Variants in CCDC192 observed in about 807,000 individuals in gnomAD.
CCDC192 encodes coiled-coil domain containing 192.
At chr5:127,867,523 G>A (rs1751664837) in intron 5 of CCDC192, among the ~76,000 whole-genome samples, 2 of 152,094 alleles carry the variant, frequency 1.3e-5, no homozygotes, top group African/African-American at 4.8e-5. Flanking sequence ...TGTAGAGGTG[G>A]GGCTAAGAAA....
chr5:127,792,328 C>A (rs1756910277), intron 3 of CCDC192, among the ~76,000 whole-genome samples: 2 of 151,988 alleles, frequency 1.3e-5, no homozygotes, highest in African/African-American at 2.4e-5. Flanking sequence ...ATGTGCCAAG[C>A]AAAAGGGGAG....
At chr5:127,853,594 G>A (rs1750906437) in intron 5 of CCDC192, among the ~76,000 whole-genome samples, 1 of 152,128 alleles carries the variant, frequency 6.6e-6, no homozygotes, top group South Asian at 2.1e-4. Flanking sequence ...CCAACGTGGT[G>A]AAACACTGTC....
chr5:127,760,194 G>A (rs1049026536), intron 3 of CCDC192, among the ~76,000 whole-genome samples: 1 of 150,970 alleles, frequency 6.6e-6, no homozygotes, highest in South Asian at 2.1e-4. Flanking sequence ...CACTTTTGAA[G>A]TGATGATACC....
At chr5:127,898,955 G>A (rs1752968453) in intron 6 of CCDC192, among the ~76,000 whole-genome samples, 1 of 152,132 alleles carries the variant, frequency 6.6e-6, no homozygotes, top group Admixed American at 6.5e-5. Context: ...TGCCTTTTCT[G>A]TGGCACCTAC....
At position 127,786,126 on chromosome 5, in the gene CCDC192, C is replaced by A. The variant is rs564899923; in HGVS notation, c.223-10977C>A. On this transcript the variant is annotated intron_variant, in intron 3 of 6. Coordinates refer to ENST00000514853, the MANE Select transcript of CCDC192 (RefSeq NM_001317938.2). ...CATTTTTGTCAGCATCCAATAAATTCTGAAGTTCTGTGTGGAAAATTTCCA... is the reference window on the plus strand; with the variant it reads ...CATTTTTGTCAGCATCCAATAAATTATGAAGTTCTGTGTGGAAAATTTCCA... 7 of 1,055,368 alleles carry A rather than the reference C, an allele frequency of 6.6e-6. No individual in the cohort carries two copies. The East Asian group carries it at 1.4e-4, about 22-fold the overall frequency. The allele number at this position is 1,055,368 out of a possible 1,614,324, so 65.4% of individuals were successfully genotyped here.
intron 3 of CCDC192, among the ~76,000 whole-genome samples, chr5:127,784,239 T>C (rs1756407574): frequency 6.6e-6 from 1 of 152,210 alleles, no homozygotes; most frequent in Non-Finnish European, 1.5e-5. Context: ...CATAGCAGAT[T>C]ACACATGGGT....
intron 2 of CCDC192, among the ~76,000 whole-genome samples, chr5:127,742,331 CCT>C (rs556077520): frequency 1.7e-4 from 26 of 152,124 alleles, no homozygotes; most frequent in Non-Finnish European, 3.2e-4. Context: ...CTTTCCAATA[CCT>C]TTTTCTTTTA....
intron 3 of CCDC192, among the ~76,000 whole-genome samples, chr5:127,755,312 G>A (rs548288088): frequency 5.9e-5 from 9 of 152,148 alleles, no homozygotes; most frequent in East Asian, 5.8e-4. Context: ...GAATTTTAGC[G>A]GAAACTAAGG....
intron 6 of CCDC192, among the ~76,000 whole-genome samples, chr5:127,879,856 A>G (rs2127141937): frequency 6.8e-6 from 1 of 146,932 alleles, no homozygotes; most frequent in Non-Finnish European, 1.5e-5. Flanking sequence ...ATCACTGGCC[A>G]TCAGAGAAAT....
At chr5:127,778,242 C>T (rs1606880) in intron 3 of CCDC192, among the ~76,000 whole-genome samples, 72,567 of 151,992 alleles carry the variant, frequency 0.48, 18,052 homozygotes, top group African/African-American at 0.61. Flanking sequence ...GAGTACAATG[C>T]TAGCTGTGGA....
chr5:127,864,154 A>G (rs1419675716), intron 5 of CCDC192, among the ~76,000 whole-genome samples: 1 of 152,224 alleles, frequency 6.6e-6, no homozygotes, highest in Non-Finnish European at 1.5e-5. Flanking sequence ...CTGATTAAAT[A>G]TGACTCACTT....
intron 2 of CCDC192, among the ~76,000 whole-genome samples, chr5:127,719,418 T>C (rs930534893): frequency 2.3e-5 from 3 of 130,710 alleles, no homozygotes; most frequent in Non-Finnish European, 4.6e-5. Flanking sequence ...TATACATACA[T>C]ATATATATAT....
chr5:127,861,012 T>C (rs2127104206), intron 5 of CCDC192, among the ~76,000 whole-genome samples: 1 of 152,262 alleles, frequency 6.6e-6, no homozygotes, highest in South Asian at 2.1e-4. Context: ...GGTTACTTTT[T>C]TTTTCTTTTT....
At chr5:127,823,709 G>C (rs987033914) in intron 5 of CCDC192, among the ~76,000 whole-genome samples, 10 of 152,076 alleles carry the variant, frequency 6.6e-5, no homozygotes, top group African/African-American at 2.2e-4. Flanking sequence ...CTGACCTCCA[G>C]AGTCACCCTA....
At chr5:127,864,480 A>G (rs952049480) in intron 5 of CCDC192, among the ~76,000 whole-genome samples, 7 of 152,220 alleles carry the variant, frequency 4.6e-5, no homozygotes, top group African/African-American at 1.4e-4. Context: ...GTTCAGCTTC[A>G]TGTGCTGTCT....
chr5:127,939,785 G>T (rs1203867242), intron 6 of CCDC192, among the ~76,000 whole-genome samples: 1 of 151,766 alleles, frequency 6.6e-6, no homozygotes, highest in East Asian at 1.9e-4. Flanking sequence ...TTGTATCTGA[G>T]ACTGACAGTA....
upstream of CCDC192, among the ~76,000 whole-genome samples, chr5:127,702,838 G>C (rs1406758139): frequency 2.6e-5 from 4 of 152,338 alleles, no homozygotes; most frequent in South Asian, 8.3e-4. Context: ...TGGTGTCTTT[G>C]GACAAGCAAC....
intron 6 of CCDC192, among the ~76,000 whole-genome samples, chr5:127,906,000 T>A (rs529317361): frequency 4.6e-5 from 7 of 152,360 alleles, no homozygotes; most frequent in East Asian, 3.9e-4. Context: ...TTCTTTTTTT[T>A]ATAACTGTTT....
chr5:127,710,272 C>T (rs559176088), intron 2 of CCDC192, among the ~76,000 whole-genome samples: 1 of 152,294 alleles, frequency 6.6e-6, no homozygotes, highest in African/African-American at 2.4e-5. Flanking sequence ...TCACAGAGCA[C>T]AGAACTCAGC....
Sources: allele counts gnomAD v4.1 joint callset (sites outside exome capture counted in the v4.1 genomes callset), GRCh38; gene constraint gnomAD v4.1.1; transcripts MANE v1.5; gene names NCBI Gene and HGNC (gene_info 2026-07-23, HGNC 2026-07-21).